The following SPON1 variants were observed in gnomAD, a reference collection of about 807,000 sequenced individuals.
SPON1 encodes the protein spondin 1.
A neutral mutation model predicts 111.7 loss-of-function variants in SPON1; 52 were observed. The ratio of observed to expected loss-of-function variants is 0.47; its 90% CI spans 0.37 to 0.59. The LOEUF (loss-of-function observed/expected upper bound fraction) is 0.59, where lower values mean the gene tolerates loss of function less well. Ranked by LOEUF, SPON1 falls within the 20% of genes least tolerant of loss-of-function variation. SPON1 has a pLI of 0.00. For synonymous variants in SPON1, 410 were observed against 395.8 expected, an observed-to-expected ratio of 1.04 and a Z score of -0.43; for missense variants, 957 against 1,068.5, an observed-to-expected ratio of 0.90 and a Z score of 1.46.
intron 15 of SPON1, among the ~76,000 whole-genome samples, chr11:14,264,688 T>C (rs1419284788): frequency 2.0e-5 from 3 of 152,178 alleles, no homozygotes; most frequent in African/African-American, 7.2e-5. Flanking sequence ...TCCATGACTC[T>C]TAGCTGTAGT....
At chr11:14,220,186 T>C (rs1848666560) in intron 6 of SPON1, among the ~76,000 whole-genome samples, 3 of 152,146 alleles carry the variant, frequency 2.0e-5, no homozygotes, top group Admixed American at 2.0e-4. Context: ...TTTCTCACTG[T>C]TGGGCATGTC....
rs556808697 is a variant in SPON1 at position 14,189,545 on chromosome 11, C to T, written c.826-53787C>T. On this transcript the variant is annotated intron_variant, in intron 6 of 15. Coordinates refer to ENST00000576479, the MANE Select transcript of SPON1 (RefSeq NM_006108.4). Reference sequence around the variant, plus strand: ...CAAGCTTGGCAGTTTTTTGGCACAGCTCTCTCTCTGTCTCCCAAGGCTTCC... The same window carrying T: ...CAAGCTTGGCAGTTTTTTGGCACAGTTCTCTCTCTGTCTCCCAAGGCTTCC... Among the ~76,000 whole-genome samples, 3 of 152,150 alleles carry T rather than the reference C, an allele frequency of 2.0e-5. No individual in the cohort carries two copies. In the South Asian group the frequency reaches 6.2e-4, roughly 32 times the overall value.
chr11:13,972,303 T>G (rs1365288332), intron 1 of SPON1, among the ~76,000 whole-genome samples: 4 of 152,222 alleles, frequency 2.6e-5, no homozygotes, highest in African/African-American at 9.6e-5. Context: ...CTCAAATTCT[T>G]GCAATTTTCT....
intron 6 of SPON1, among the ~76,000 whole-genome samples, chr11:14,150,276 C>G (rs1847771419): frequency 1.3e-5 from 2 of 151,840 alleles, no homozygotes; most frequent in Admixed American, 6.6e-5. Context: ...AAAAGTTGAT[C>G]TCATAATAGT....
intron 6 of SPON1, among the ~76,000 whole-genome samples, chr11:14,169,808 A>C (rs1265281614): frequency 6.6e-6 from 1 of 152,030 alleles, no homozygotes; most frequent in Non-Finnish European, 1.5e-5. Flanking sequence ...ATAGTTGTAG[A>C]TATGTGGCAT....
At chr11:14,108,847 A>G (rs900413584) in intron 5 of SPON1, among the ~76,000 whole-genome samples, 7 of 151,636 alleles carry the variant, frequency 4.6e-5, no homozygotes. Context: ...GTTTTACTTG[A>G]TTTCTCTTCC....
At chr11:14,115,746 T>C (rs1218579076) in intron 5 of SPON1, among the ~76,000 whole-genome samples, 3 of 152,200 alleles carry the variant, frequency 2.0e-5, no homozygotes, top group African/African-American at 4.8e-5. Context: ...CATTCATGTA[T>C]ATGTCTTTTG....
intron 5 of SPON1, among the ~76,000 whole-genome samples, chr11:14,128,855 A>G (rs1057058582): frequency 2.0e-5 from 3 of 152,206 alleles, no homozygotes; most frequent in Non-Finnish European, 4.4e-5. Flanking sequence ...CAGACCCCCA[A>G]CACCACGTAG....
At chr11:13,981,393 C>T (rs192071985) in intron 1 of SPON1, among the ~76,000 whole-genome samples, 27 of 152,230 alleles carry the variant, frequency 1.8e-4, no homozygotes, top group African/African-American at 6.5e-4. Context: ...ATGGCACAAT[C>T]GCGGCTTACT....
At chr11:14,117,976 C>T (rs1170341033) in intron 5 of SPON1, among the ~76,000 whole-genome samples, 4 of 152,164 alleles carry the variant, frequency 2.6e-5, no homozygotes, top group Non-Finnish European at 5.9e-5. Context: ...ATTCCCATTT[C>T]TCACTACCTC....
intron 3 of SPON1, among the ~76,000 whole-genome samples, chr11:14,065,528 A>T (rs567032392): frequency 1.3e-5 from 2 of 152,238 alleles, no homozygotes; most frequent in Non-Finnish European, 2.9e-5. Context: ...TCCAGCTGAG[A>T]CAGGTTCTAT....
In SPON1 at chr11:14,260,788, A is replaced by G. The variant is rs139939511; in HGVS notation, c.1996+36A>G. 3.6e-3 allele frequency: 5,731 copies of G among 1,597,988 alleles called. 68 individuals carry two copies. In the East Asian group the frequency reaches 0.041, roughly 11 times the overall value. ...GAGCTCCTCAAGGCCCATCACTTCT[A>G]TGTTCCTGAGTCCAGGGAGCCCCGA... On this transcript the variant is annotated intron_variant, in intron 14 of 15. Transcript: ENST00000576479.
At chr11:14,092,074 G>A (rs1211364660) in intron 5 of SPON1, among the ~76,000 whole-genome samples, 3 of 152,170 alleles carry the variant, frequency 2.0e-5, no homozygotes, top group East Asian at 3.9e-4. Context: ...GAAATCACCC[G>A]CCTTCTGCAT....
chr11:14,169,728 C>T (rs1352319880), intron 6 of SPON1, among the ~76,000 whole-genome samples: 2 of 152,158 alleles, frequency 1.3e-5, no homozygotes, highest in South Asian at 2.1e-4. Flanking sequence ...AGCCACTTTT[C>T]CCAGCACAAT....
At chr11:14,245,859 G>A (rs1554940211) in intron 7 of SPON1, among the ~76,000 whole-genome samples, 1 of 152,190 alleles carries the variant, frequency 6.6e-6, no homozygotes, top group Non-Finnish European at 1.5e-5. Flanking sequence ...GCCTACCCAG[G>A]GCACTCTCCT....
intron 6 of SPON1, among the ~76,000 whole-genome samples, chr11:14,141,555 AGACCTTGTT>A: frequency 6.6e-6 from 1 of 152,264 alleles, no homozygotes; most frequent in South Asian, 2.1e-4. Flanking sequence ...CACCTTCAGG[AGACCTTGTT>A]TTGGAGGATG....
intron 6 of SPON1, among the ~76,000 whole-genome samples, chr11:14,188,885 A>G (rs192919747): frequency 3.7e-4 from 57 of 152,370 alleles, no homozygotes; most frequent in Middle Eastern, 3.4e-3. Flanking sequence ...GTCAGTTTTT[A>G]TACTATCTTT....
At chr11:14,234,523 G>C (rs956804628) in intron 6 of SPON1, among the ~76,000 whole-genome samples, 5 of 152,124 alleles carry the variant, frequency 3.3e-5, no homozygotes, top group Non-Finnish European at 7.4e-5. Flanking sequence ...AGAAAATGAG[G>C]TTAAATCCAG....
rs1287808289 is a variant in SPON1 at position 13,995,792 on chromosome 11, C to T, written c.345+12839C>T. Among the ~76,000 whole-genome samples the T allele has an allele frequency of 3.3e-5, 5 of 152,262 alleles. No homozygotes were observed. The East Asian group carries it at 9.7e-4, about 29-fold the overall frequency. ...TGTATTTCCCTAGATATTAGGGTGG[C>T]CTCCTCTGTTTACCCTAGGGAAATA... On this transcript the variant is annotated intron_variant, in intron 2 of 15. Coordinates refer to ENST00000576479, the MANE Select transcript of SPON1 (RefSeq NM_006108.4).
Sources: gnomAD v4.1 joint callset for allele counts (sites outside exome capture counted in the v4.1 genomes callset) on GRCh38, gnomAD v4.1.1 for gene constraint, MANE v1.5 for transcripts, NCBI Gene and HGNC (gene_info 2026-07-23, HGNC 2026-07-21) for gene names.